The following SHQ1 variants were observed in gnomAD, a reference collection of about 807,000 sequenced individuals.
The protein encoded by SHQ1 is SHQ1, H/ACA ribonucleoprotein assembly factor, also known as protein SHQ1 homolog.
In SHQ1, 49 loss-of-function variants were observed where a neutral mutation model predicts 53.8. The ratio of observed to expected loss-of-function variants is 0.91; its 90% confidence interval spans 0.72 to 1.16. The LOEUF (loss-of-function observed/expected upper bound fraction) is 1.16. SHQ1 is among the 50% of genes most tolerant of loss of function. The pLI is 0.00. For missense variants in SHQ1, 738 were observed against 683.1 expected, an observed-to-expected ratio of 1.08 and a Z score of -0.90; for synonymous variants, 243 against 251.0, an observed-to-expected ratio of 0.97 and a Z score of 0.30.
At chr3:72,784,190 A>G (rs986566444) in intron 10 of SHQ1, among the ~76,000 whole-genome samples, 5 of 151,846 alleles carry the variant, frequency 3.3e-5, no homozygotes, top group Non-Finnish European at 5.9e-5. Flanking sequence ...CAACAAAAAT[A>G]TCCCATAAAC....
chr3:72,825,318 G>A (rs2106902210), intron 5 of SHQ1, among the ~76,000 whole-genome samples: 1 of 150,146 alleles, frequency 6.7e-6, no homozygotes, highest in South Asian at 2.1e-4. Flanking sequence ...AGATGAGTAG[G>A]AAATTCAGGA....
At chr3:72,791,989 C>A (rs1706453416) in intron 10 of SHQ1, among the ~76,000 whole-genome samples, 2 of 152,200 alleles carry the variant, frequency 1.3e-5, no homozygotes, top group South Asian at 4.1e-4. Flanking sequence ...TACTATGTTT[C>A]TTTGATTGAC....
chr3:72,807,790 T>C (rs1223608531), intron 9 of SHQ1, among the ~76,000 whole-genome samples: 1 of 152,178 alleles, frequency 6.6e-6, no homozygotes, highest in Non-Finnish European at 1.5e-5. Flanking sequence ...TCCTTTCTCA[T>C]TGATTGTGTT....
chr3:72,792,815 A>AAAAAAAT, intron 10 of SHQ1, 101 bp downstream of exon 10: 1 of 802,902 alleles, frequency 1.2e-6, no homozygotes, highest in Non-Finnish European at 1.9e-6. Context: ...AAAAAAACAC[A>AAAAAAAT]ACTTACTCCT....
chr3:72,828,870 G>A (rs1707746109), intron 5 of SHQ1, among the ~76,000 whole-genome samples: 1 of 152,108 alleles, frequency 6.6e-6, no homozygotes, highest in African/African-American at 2.4e-5. Flanking sequence ...TTAAGCAGAA[G>A]AGCACCAAGG....
intron 9 of SHQ1, among the ~76,000 whole-genome samples, chr3:72,802,069 A>G (rs544457623): frequency 1.3e-5 from 2 of 152,358 alleles, no homozygotes; most frequent in Admixed American, 1.3e-4. Context: ...AAATTGGAAG[A>G]AAAATTCTTA....
chr3:72,761,548 C>T (rs1013274070), intron 10 of SHQ1, among the ~76,000 whole-genome samples: 1 of 152,094 alleles, frequency 6.6e-6, no homozygotes, highest in African/African-American at 2.4e-5. Flanking sequence ...AAGACTCAAC[C>T]ACCTCTTGGA....
intron 9 of SHQ1, among the ~76,000 whole-genome samples, chr3:72,801,595 T>A (rs1477094979): frequency 6.6e-6 from 1 of 152,180 alleles, no homozygotes; most frequent in Non-Finnish European, 1.5e-5. Flanking sequence ...CAAGTACTGA[T>A]AAGTATGTCA....
At chr3:72,752,540 T>C (rs1159724066) in intron 10 of SHQ1, among the ~76,000 whole-genome samples, 2 of 152,192 alleles carry the variant, frequency 1.3e-5, no homozygotes, top group African/African-American at 4.8e-5. Context: ...AAGATTTTTT[T>C]TTTTTGAGAC....
intron 7 of SHQ1, among the ~76,000 whole-genome samples, chr3:72,816,234 G>T (rs968541105): frequency 6.6e-6 from 1 of 152,034 alleles, no homozygotes; most frequent in Non-Finnish European, 1.5e-5. Context: ...AGGTTAAATA[G>T]TATACACGTT....
chr3:72,727,376 G>A, the SHQ1 span, among the ~76,000 whole-genome samples: 2 of 152,088 alleles, frequency 1.3e-5, no homozygotes, highest in East Asian at 3.9e-4. Context: ...TCCTGCTCTT[G>A]CCAAACAACC....
At position 72,832,475 on chromosome 3, in the gene SHQ1, G is replaced by T. The variant is rs1390677763; in HGVS notation, c.493C>A (p.Leu165Met). Residue 165 changes from leucine to methionine, a missense_variant, in exon 5 of 11, where the codon CTG (leucine) becomes ATG (methionine). By Grantham distance (15) the Leu-to-Met change is conservative. Coordinates refer to ENST00000325599, the MANE Select transcript of SHQ1 (RefSeq NM_018130.3). ...SGVLQRLQDE[L>M]SDVIDIKDPD... ...TCCTTAATATCAATAACATCACTCA[G>T]TTCATCCTGAGGACACCCAGAAAAG... The T allele has an allele frequency of 6.2e-7, 1 of 1,604,536 alleles. No individual in the cohort carries two copies. The highest frequency in any genetic ancestry group is 1.7e-5 in the Admixed American group (1 of 58,642).
At chr3:72,765,577 A>G (rs1705710804) in intron 10 of SHQ1, among the ~76,000 whole-genome samples, 1 of 96,704 alleles carries the variant, frequency 1.0e-5, no homozygotes, top group Admixed American at 1.0e-4. Flanking sequence ...TTTTTTTGAG[A>G]CAGTCTCACT....
intron 10 of SHQ1, among the ~76,000 whole-genome samples, chr3:72,779,445 G>C (rs1216323747): frequency 6.6e-6 from 1 of 152,058 alleles, no homozygotes; most frequent in Admixed American, 6.5e-5. Context: ...GTGGCAGTAT[G>C]AATCTTTTCT....
the SHQ1 span, among the ~76,000 whole-genome samples, chr3:72,734,437 G>C: frequency 6.6e-6 from 1 of 150,838 alleles, no homozygotes; most frequent in Non-Finnish European, 1.5e-5. Flanking sequence ...TGTATTTTTA[G>C]TAGAGACAGG....
intron 9 of SHQ1, among the ~76,000 whole-genome samples, chr3:72,803,616 A>T (rs543596418): frequency 1.3e-5 from 2 of 152,332 alleles, no homozygotes; most frequent in African/African-American, 4.8e-5. Context: ...CCTAAGGCAG[A>T]GGTGGTAAAT....
intron 8 of SHQ1, among the ~76,000 whole-genome samples, chr3:72,813,830 CTT>C (rs931930903): frequency 1.1e-4 from 12 of 108,152 alleles, no homozygotes; most frequent in Non-Finnish European, 2.0e-4. Flanking sequence ...TCCTCTTTTT[CTT>C]TTTTTTTTTT....
chr3:72,773,165 C>CATA (rs1375152247), intron 10 of SHQ1: 1 of 736,960 alleles, frequency 1.4e-6, no homozygotes, highest in Non-Finnish European at 2.5e-6. Flanking sequence ...TGGAAAAAGA[C>CATA]ATAAAAAACC....
intron 10 of SHQ1, among the ~76,000 whole-genome samples, chr3:72,775,837 A>G (rs531696729): frequency 1.6e-4 from 25 of 152,354 alleles, no homozygotes; most frequent in South Asian, 6.2e-4. Context: ...ATAAAATTCA[A>G]AACTATTTAG....
Sources: allele counts gnomAD v4.1 joint callset (sites outside exome capture counted in the v4.1 genomes callset), GRCh38; gene constraint gnomAD v4.1.1; transcripts MANE v1.5; gene names NCBI Gene and HGNC (gene_info 2026-07-23, HGNC 2026-07-21).